The following PDE1C variants were observed in gnomAD, a reference collection of about 807,000 sequenced individuals.
The protein encoded by PDE1C is phosphodiesterase 1C, also known as dual specificity calcium/calmodulin-dependent 3',5'-cyclic nucleotide phosphodiesterase 1C.
PDE1C carries 62 observed loss-of-function variants against 93.1 expected under a neutral mutation model. That is an observed-to-expected ratio of 0.67 (90% CI 0.54 to 0.82). The LOEUF is 0.82. Ranked by LOEUF, PDE1C falls within the 40% of genes least tolerant of loss-of-function variation. The pLI is 0.00. For missense variants in PDE1C, 742 were observed against 884.6 expected, an observed-to-expected ratio of 0.84 and a Z score of 2.04; for synonymous variants, 325 against 310.1, an observed-to-expected ratio of 1.05 and a Z score of -0.50.
Position 31,815,781 on chromosome 7 carries a change from A to G in PDE1C, c.1813+143T>C, listed in dbSNP as rs73319150. 3,839 of 671,590 alleles carry G rather than the reference A, an allele frequency of 5.7e-3. 99 individuals carry two copies. The African/African-American group carries it at 0.061, about 11-fold the overall frequency. 41.6% of individuals were successfully genotyped at this position (671,590 alleles called of 1,614,324 possible). A position where few individuals can be genotyped will look rare whatever the true frequency, so the allele number is the denominator to read the frequency against. On this transcript the variant is annotated intron_variant, in intron 15 of 17. Transcript: ENST00000396191. ...GCTTCTGCTGGAATCCTGCAGCCCA[A>G]TGAGGTGGGATCAGAAGGAACTGGA...
At chr7:31,860,592 C>T (rs1794580236) in intron 7 of PDE1C, among the ~76,000 whole-genome samples, 1 of 151,960 alleles carries the variant, frequency 6.6e-6, no homozygotes, top group South Asian at 2.1e-4. Flanking sequence ...TGTCATTTTC[C>T]TGATTCATTT....
At chr7:31,859,545 C>T (rs1794432697) in intron 7 of PDE1C, among the ~76,000 whole-genome samples, 1 of 151,548 alleles carries the variant, frequency 6.6e-6, no homozygotes. Context: ...AAAATGTTCA[C>T]AGCTCACTTT....
Position 32,255,773 on chromosome 7 carries a change from G to A in PDE1C, c.85+42878C>T, listed in dbSNP as rs938864009. ...GGCAGAACAATAGGTGGCAAGCTTG[G>A]ACATTACTAGCTCATCCTGTGGTGT... On this transcript the variant is annotated intron_variant, in intron 1 of 18. Transcript: ENST00000396193. 5.3e-5 allele frequency among the ~76,000 whole-genome samples: 8 copies of A among 152,222 alleles called. No homozygotes were observed. The East Asian group carries it at 1.3e-3, about 26-fold the overall frequency.
intron 1 of PDE1C, among the ~76,000 whole-genome samples, chr7:32,374,307 G>GAAAGAAAGAAAGA (rs1254001446): frequency 6.9e-6 from 1 of 144,326 alleles, no homozygotes; most frequent in South Asian, 2.2e-4. Context: ...AAGAAAGAAA[G>GAAAGAAAGAAAGA]AAGAAAAGAA....
rs1367024102 is a variant in PDE1C, at chr7:31,837,883, G to A, written c.1069C>T (p.Gln357Ter). 1 of 1,611,450 alleles carries A rather than the reference G, an allele frequency of 6.2e-7. No individual in the cohort carries two copies. Among genetic ancestry groups the A allele is most frequent in the South Asian group, 1.1e-5 (1 of 91,026 alleles). Reference protein sequence around the residue: ...QQIKAMKTALQQPEAIEKPKA... With the variant: ...QQIKAMKTAL ...AAGCACACTTACGCTTCTGGCTGCT[G>A]CAGAGCAGTCTTCATTGCTTTGATT... The change falls in exon 10 of 18, where the codon CAG becomes TAG. Residue 357 changes from glutamine (Q) to a stop codon, truncating the protein, a stop_gained. Transcript: ENST00000396191. LOFTEE classifies it high-confidence loss of function.
Position 31,837,160 on chromosome 7 carries a change from G to C in PDE1C, c.1203+20C>G. ...ATATCCAATGATGACAGTCCTGATG[G>C]AGAGAGAGCAACAAGGTACCTGTCT... On this transcript the variant is annotated intron_variant, in intron 11 of 17. Transcript: ENST00000396191. 6.2e-7 allele frequency: 1 copy of C among 1,609,918 alleles called. No homozygotes were observed. Among genetic ancestry groups the C allele is most frequent in the Non-Finnish European group, 8.5e-7 (1 of 1,177,450 alleles).
At chr7:31,903,064 A>G (rs1428452532) in intron 2 of PDE1C, among the ~76,000 whole-genome samples, 1 of 151,824 alleles carries the variant, frequency 6.6e-6, no homozygotes, top group African/African-American at 2.4e-5. Context: ...AACTTATGGT[A>G]AGGCAAAAGC....
chr7:32,413,796 A>G (rs916431857), intron 1 of PDE1C, among the ~76,000 whole-genome samples: 1 of 152,186 alleles, frequency 6.6e-6, no homozygotes, highest in Non-Finnish European at 1.5e-5. Context: ...GCATGAAAAA[A>G]TCCTTTATAA....
chr7:32,248,265 T>C (rs555560640), intron 1 of PDE1C, among the ~76,000 whole-genome samples: 58 of 152,234 alleles, frequency 3.8e-4, no homozygotes, highest in African/African-American at 1.4e-3. Flanking sequence ...TTCATTGCAA[T>C]GAGAGAAGTC....
rs780582125 is a variant in PDE1C at position 31,751,322 on chromosome 7, G to T, written c.*2062C>A. Reference sequence around the variant, plus strand: ...TTTGCTCCATTAAAATATTAGCAAAGGTTGAAAAAAACTCACATCTTAGGA... The same window carrying T: ...TTTGCTCCATTAAAATATTAGCAAATGTTGAAAAAAACTCACATCTTAGGA... On this transcript the variant is annotated 3_prime_UTR_variant, in exon 18 of 18. Transcript: ENST00000396191. The T allele has an allele frequency of 3.3e-5, 5 of 152,074 alleles. No individual in the cohort carries two copies. Among genetic ancestry groups the T allele is most frequent in the Non-Finnish European group, 7.3e-5 (5 of 68,028 alleles). 9.4% of individuals were successfully genotyped at this position (152,074 alleles called of 1,614,324 possible).
At chr7:31,950,619 T>A (rs1049680574) in intron 2 of PDE1C, among the ~76,000 whole-genome samples, 3 of 152,214 alleles carry the variant, frequency 2.0e-5, no homozygotes, top group African/African-American at 7.2e-5. Context: ...TTAGTCATTA[T>A]ATGTCTGAAG....
chr7:32,367,035 A>G (rs947406445), intron 1 of PDE1C, among the ~76,000 whole-genome samples: 1 of 152,176 alleles, frequency 6.6e-6, no homozygotes, highest in Admixed American at 6.5e-5. Flanking sequence ...TCAAAAAAAA[A>G]GAAAAGAAAA....
At chr7:31,689,339 T>C in the PDE1C span, among the ~76,000 whole-genome samples, 1 of 152,182 alleles carries the variant, frequency 6.6e-6, no homozygotes, top group African/African-American at 2.4e-5. Flanking sequence ...CCCTAGCTTT[T>C]TGGTTGAATT....
chr7:31,814,681 C>T (rs920278086), intron 15 of PDE1C, among the ~76,000 whole-genome samples: 2 of 148,866 alleles, frequency 1.3e-5, no homozygotes, highest in African/African-American at 5.0e-5. Context: ...TGAATATGTA[C>T]AAAGAGAACT....
At chr7:31,753,578 G>T in intron 17 of PDE1C, 25 bp from the exon 18 acceptor site, 1 of 1,602,922 alleles carries the variant, frequency 6.2e-7, no homozygotes, top group South Asian at 1.1e-5. Flanking sequence ...AAGGAAGACA[G>T]ACAACGGTTA....
At chr7:31,710,165 A>G in the PDE1C span, among the ~76,000 whole-genome samples, 1 of 152,136 alleles carries the variant, frequency 6.6e-6, no homozygotes, top group East Asian at 1.9e-4. Flanking sequence ...AAAAGAAACT[A>G]AAGAAAAGAA....
intron 1 of PDE1C, among the ~76,000 whole-genome samples, chr7:32,298,482 G>T (rs1157684895): frequency 6.6e-6 from 1 of 152,112 alleles, no homozygotes; most frequent in East Asian, 1.9e-4. Context: ...CCAGGGTGCG[G>T]CTTCTGTCCC....
chr7:32,112,811 T>C (rs1389204778), intron 3 of PDE1C, among the ~76,000 whole-genome samples: 1 of 68,576 alleles, frequency 1.5e-5, no homozygotes, highest in African/African-American at 7.4e-5. Flanking sequence ...TATATGTGTG[T>C]GTGTGTGTGT....
intron 1 of PDE1C, among the ~76,000 whole-genome samples, chr7:32,307,779 C>T (rs1371431772): frequency 6.6e-6 from 1 of 152,212 alleles, no homozygotes; most frequent in Non-Finnish European, 1.5e-5. Context: ...AGGAACAGCT[C>T]CAGTCTACAA....
Sources: allele counts gnomAD v4.1 joint callset (sites outside exome capture counted in the v4.1 genomes callset), GRCh38; gene constraint gnomAD v4.1.1; transcripts MANE v1.5; gene names NCBI Gene and HGNC (gene_info 2026-07-23, HGNC 2026-07-21).